The following SCYL2 variants were observed in gnomAD, a reference collection of about 807,000 sequenced individuals.
The protein encoded by SCYL2 is SCY1-like protein 2.
SCYL2 carries 36 observed loss-of-function variants against 100.4 expected under a neutral mutation model. The ratio of observed to expected loss-of-function variants is 0.36; its 90% CI spans 0.27 to 0.47. The LOEUF is 0.47. SCYL2 is among the 20% of genes least tolerant of loss of function. SCYL2 has a pLI of 1.00. For synonymous variants in SCYL2, 330 were observed against 359.2 expected (o/e 0.92, Z 0.92); for missense variants, 902 against 1,083.9 (o/e 0.83, Z 2.36).
intron 2 of SCYL2, among the ~76,000 whole-genome samples, chr12:100,290,549 A>C (rs868594140): frequency 1.3e-5 from 2 of 152,204 alleles, no homozygotes; most frequent in South Asian, 2.1e-4. Flanking sequence ...ATGTAGCAAA[A>C]ATGCAGAACA....
intron 9 of SCYL2, among the ~76,000 whole-genome samples, chr12:100,316,799 T>G (rs1308992241): frequency 1.3e-5 from 2 of 152,172 alleles, no homozygotes; most frequent in Non-Finnish European, 2.9e-5. Flanking sequence ...CTCTTAGTTG[T>G]CCAGTTAAAA....
chr12:100,341,508 T>C lies in SCYL2; in HGVS notation c.*2336T>C, dbSNP rs1952352610. On this transcript the variant is annotated 3_prime_UTR_variant, in exon 18 of 18. Coordinates refer to ENST00000360820, the MANE Select transcript of SCYL2 (RefSeq NM_017988.6). ...GAGGATGTATAAAAGGAAATGGAAATAGACTATGTACTTGTCTGGTTTTTG... is the reference window on the plus strand; with the variant it reads ...GAGGATGTATAAAAGGAAATGGAAACAGACTATGTACTTGTCTGGTTTTTG... The C allele has an allele frequency of 1.3e-5, 2 of 152,210 alleles. No individual in the cohort carries two copies. Among genetic ancestry groups the C allele is most frequent in the South Asian group, 4.1e-4 (2 of 4,838 alleles). The allele number at this position is 152,210 out of a possible 1,614,324, so 9.4% of individuals were successfully genotyped here. A position where few individuals can be genotyped will look rare whatever the true frequency, so the allele number is the denominator to read the frequency against.
At chr12:100,303,173 C>T (rs556503719) in intron 4 of SCYL2, among the ~76,000 whole-genome samples, 79 of 152,242 alleles carry the variant, frequency 5.2e-4, no homozygotes, top group Non-Finnish European at 8.4e-4. Context: ...TTCCTAGCTT[C>T]CTTGCATTGG....
intron 16 of SCYL2, among the ~76,000 whole-genome samples, chr12:100,336,207 C>G (rs933833027): frequency 2.0e-5 from 3 of 152,076 alleles, no homozygotes; most frequent in Non-Finnish European, 4.4e-5. Flanking sequence ...CCCACTGTCT[C>G]TCTTTGCTTC....
rs537709168 is a variant in SCYL2, at chr12:100,302,105, A to C, written c.480+3930A>C. On this transcript the variant is annotated intron_variant, in intron 4 of 17. Coordinates refer to ENST00000360820, the MANE Select transcript of SCYL2 (RefSeq NM_017988.6). ...TTAAAACTGCCTGGTGCTGTATTCT[A>C]CTGTGGCTGAGCTGTTACCTAAATG... Among the ~76,000 whole-genome samples, 141 of 152,200 alleles carry C rather than the reference A, an allele frequency of 9.3e-4. 2 individuals are homozygous for C. The highest frequency in any genetic ancestry group is 8.2e-4 in the Non-Finnish European group (56 of 68,030).
Position 100,315,690 on chromosome 12 carries a change from C to G in SCYL2, c.1228C>G (p.Leu410Val), listed in dbSNP as rs763082700. Residue 410 changes from leucine to valine, a missense_variant, in exon 9 of 18, where the codon CTT becomes GTT. Leu to Val is a conservative substitution (Grantham distance 32). Coordinates refer to ENST00000360820, the MANE Select transcript of SCYL2 (RefSeq NM_017988.6). ...CTKEEYVKLI[L>V]PELGPVFKQQ... is the part of the protein sequence containing the mutation. Reference sequence around the variant, plus strand: ...CAAAGAAGAATATGTCAAATTAATTCTTCCTGAACTTGGCCCTGTGTTTAA... The same window carrying G: ...CAAAGAAGAATATGTCAAATTAATTGTTCCTGAACTTGGCCCTGTGTTTAA... 5 of 1,611,532 alleles carry G rather than the reference C, an allele frequency of 3.1e-6. No individual in the cohort carries two copies. The highest frequency in any genetic ancestry group is 4.2e-6 in the Non-Finnish European group (5 of 1,178,736).
chr12:100,292,956 C>A (rs2096312341), intron 3 of SCYL2, among the ~76,000 whole-genome samples: 1 of 152,172 alleles, frequency 6.6e-6, no homozygotes, highest in South Asian at 2.1e-4. Context: ...TAGACTACTA[C>A]AAGTGTGTGC....
At chr12:100,320,729 G>A (rs1462400070) in intron 10 of SCYL2, among the ~76,000 whole-genome samples, 2 of 151,832 alleles carry the variant, frequency 1.3e-5, no homozygotes, top group African/African-American at 4.8e-5. Flanking sequence ...CTTTCCAGTC[G>A]CTTTTTAATA....
At chr12:100,325,553 T>A (rs986485410) in intron 11 of SCYL2, among the ~76,000 whole-genome samples, 3 of 152,148 alleles carry the variant, frequency 2.0e-5, no homozygotes, top group Admixed American at 2.0e-4. Flanking sequence ...TCTCTAAAAG[T>A]TTAAAATTCT....
Position 100,335,909 on chromosome 12 carries a change from G to C in SCYL2, c.2025+3G>C. 1.2e-6 allele frequency: 2 copies of C among 1,606,104 alleles called. No individual in the cohort carries two copies. The highest frequency in any genetic ancestry group is 8.5e-7 in the Non-Finnish European group (1 of 1,173,238). On this transcript the variant is annotated splice_donor_region_variant and intron_variant, in intron 16 of 17. Transcript: ENST00000360820. ...GGTTACAGAATAAACATAAAAGAGTGAGTTTCCTTACTGTTCTTTCAGCCC... is the reference window on the plus strand; with the variant it reads ...GGTTACAGAATAAACATAAAAGAGTCAGTTTCCTTACTGTTCTTTCAGCCC...
chr12:100,309,298 A>G (rs991220371), intron 4 of SCYL2, among the ~76,000 whole-genome samples: 40 of 152,008 alleles, frequency 2.6e-4, no homozygotes, highest in African/African-American at 8.5e-4. Flanking sequence ...TTGTCATGGA[A>G]CCATCACCAC....
Position 100,338,819 on chromosome 12 carries a change from A to G in SCYL2, c.2437A>G (p.Thr813Ala). The G allele has an allele frequency of 3.1e-6, 5 of 1,614,106 alleles. No individual in the cohort carries two copies. The highest frequency in any genetic ancestry group is 3.4e-6 in the Non-Finnish European group (4 of 1,179,976). The part of the protein sequence containing the change: ...VTKMTLGTPP[T>A]LPNFNALSVP... ...CAAGATGACTCTGGGAACACCTCCC[A>G]CTTTGCCAAACTTCAATGCTTTGAG... The change falls in exon 18 of 18, where the codon ACT becomes GCT. Residue 813 changes from threonine (T) to alanine (A), a missense_variant. Coordinates refer to ENST00000360820, the MANE Select transcript of SCYL2 (RefSeq NM_017988.6).
In SCYL2 at chr12:100,311,605, C is replaced by G. The variant is rs148314237; in HGVS notation, c.630+412C>G. Among the ~76,000 whole-genome samples, 14 of 152,070 alleles carry G rather than the reference C, an allele frequency of 9.2e-5. No individual in the cohort carries two copies. In the East Asian group the frequency reaches 2.5e-3, roughly 27 times the overall value. On this transcript the variant is annotated intron_variant, in intron 5 of 17. Coordinates refer to ENST00000360820, the MANE Select transcript of SCYL2 (RefSeq NM_017988.6). ...ACACTTTCTCTGTACTTATTTAATCCTCACAATAACTCAGTGGGGTATAGG... is the reference window on the plus strand; with the variant it reads ...ACACTTTCTCTGTACTTATTTAATCGTCACAATAACTCAGTGGGGTATAGG...
At chr12:100,319,311 T>C (rs1190405710) in intron 10 of SCYL2, 1 of 454,248 alleles carries the variant, frequency 2.2e-6, no homozygotes, top group African/African-American at 2.0e-5. Flanking sequence ...ATTTCTTAGT[T>C]CTTTTTAAAG....
At chr12:100,297,089 G>A (rs571050128) in intron 3 of SCYL2, among the ~76,000 whole-genome samples, 1 of 152,308 alleles carries the variant, frequency 6.6e-6, no homozygotes, top group East Asian at 1.9e-4. Flanking sequence ...CTACTTTGTA[G>A]TTCTTCATTG....
In SCYL2 at chr12:100,290,716, A is replaced by T. The variant is rs192959683; in HGVS notation, c.178-787A>T. Among the ~76,000 whole-genome samples, 635 of 152,334 alleles carry T rather than the reference A, an allele frequency of 4.2e-3. 15 individuals carry two copies. Among genetic ancestry groups the T allele is most frequent in the South Asian group, 1.2e-3 (6 of 4,830 alleles). ...ATCTTTCAAGGAATTTTGGAAGGCT[A>T]GCATTCTTTGCTAATTTCGTTTCCA... On this transcript the variant is annotated intron_variant, in intron 2 of 17. Coordinates refer to ENST00000360820, the MANE Select transcript of SCYL2 (RefSeq NM_017988.6).
chr12:100,296,589 AAAG>A (rs1488814029), intron 3 of SCYL2, among the ~76,000 whole-genome samples: 2 of 152,216 alleles, frequency 1.3e-5, no homozygotes, highest in Non-Finnish European at 2.9e-5. Flanking sequence ...ACAGAATAAA[AAAG>A]AAGATAAGGA....
At chr12:100,302,767 C>T (rs2096329460) in intron 4 of SCYL2, among the ~76,000 whole-genome samples, 1 of 152,132 alleles carries the variant, frequency 6.6e-6, no homozygotes, top group Non-Finnish European at 1.5e-5. Flanking sequence ...TTGTGGTGTT[C>T]TCTGTATTTC....
chr12:100,283,236 A>G, intron 2 of SCYL2, 89 bp downstream of exon 2: 2 of 1,164,046 alleles, frequency 1.7e-6, no homozygotes, highest in South Asian at 3.2e-5. Flanking sequence ...AAGAAATGCC[A>G]AAAGTTCTTT....
Sources: allele counts gnomAD v4.1 joint callset (sites outside exome capture counted in the v4.1 genomes callset), GRCh38; gene constraint gnomAD v4.1.1; transcripts MANE v1.5; gene names NCBI Gene and HGNC (gene_info 2026-07-23, HGNC 2026-07-21).